P2RY6: variants seen among roughly 807,000 people sequenced by gnomAD.
P2RY6 encodes the protein P2Y purinoceptor 6.
P2RY6 carries 19 observed loss-of-function variants against 16.3 expected under a neutral mutation model. The observed-to-expected ratio is 1.16, with a 90% CI of 0.81 to 1.71. The LOEUF (loss-of-function observed/expected upper bound fraction) is 1.71. Among genes scored for constraint, P2RY6 ranks in the 40% most tolerant of loss-of-function variants. The pLI is 0.00. For synonymous variants in P2RY6, 184 were observed against 201.5 expected (o/e 0.91, Z 0.74); for missense variants, 389 against 455.5 (o/e 0.85, Z 1.33).
chr11:73,268,448 G>A (rs757145759), upstream of P2RY6, among the ~76,000 whole-genome samples: 112 of 152,056 alleles, frequency 7.4e-4, 2 homozygotes, highest in Non-Finnish European at 6.3e-4. Context: ...AACTAGAAAG[G>A]CCCTGTCTCT....
At chr11:73,290,050 C>G (rs1292075651) in intron 1 of P2RY6, among the ~76,000 whole-genome samples, 1 of 152,008 alleles carries the variant, frequency 6.6e-6, no homozygotes, top group African/African-American at 2.4e-5. Context: ...GGAGAAGCCC[C>G]ATCTGTACTA....
intron 1 of P2RY6, among the ~76,000 whole-genome samples, chr11:73,284,443 A>G (rs1256531549): frequency 6.6e-6 from 1 of 152,034 alleles, no homozygotes; most frequent in African/African-American, 2.4e-5. Flanking sequence ...AGTACCAGAG[A>G]AAACCTCAGG....
At chr11:73,286,214 A>C (rs905620088) in intron 1 of P2RY6, among the ~76,000 whole-genome samples, 1 of 152,174 alleles carries the variant, frequency 6.6e-6, no homozygotes, top group Non-Finnish European at 1.5e-5. Flanking sequence ...CCCTGGGTCC[A>C]GCTGGACGTC....
Position 73,297,410 on chromosome 11 carries a change from C to T in P2RY6, c.892C>T (p.Pro298Ser), listed in dbSNP as rs1188058048. ...PFASANSVLD[P>S]ILFYFTQKKF... ...TGCCAGTGCCAACAGCGTGCTGGAC[C>T]CCATCCTCTTCTACTTCACCCAGAA... is the stretch of plus-strand genomic sequence containing the variant. The change falls in exon 3 of 3, where the codon CCC becomes TCC. Residue 298 changes from proline to serine, a missense_variant. By Grantham distance (74) the Pro-to-Ser change is moderately conservative. Transcript: ENST00000540124. 1.9e-6 allele frequency: 3 copies of T among 1,612,376 alleles called. No homozygotes were observed. Among genetic ancestry groups the T allele is most frequent in the Non-Finnish European group, 2.5e-6 (3 of 1,180,018 alleles).
chr11:73,284,571 C>T (rs149076621), intron 1 of P2RY6, among the ~76,000 whole-genome samples: 37 of 152,330 alleles, frequency 2.4e-4, no homozygotes, highest in African/African-American at 8.2e-4. Context: ...GAAGCAGCCC[C>T]AGGGCTGGCT....
upstream of P2RY6, chr11:73,271,598 T>C (rs568397966): frequency 2.6e-5 from 4 of 152,148 alleles, no homozygotes; most frequent in Admixed American, 6.5e-5. Context: ...AATCTATAGA[T>C]AACAACAGCT....
chr11:73,266,019 G>A (rs1251820537), intron 1 of P2RY6, among the ~76,000 whole-genome samples: 1 of 152,146 alleles, frequency 6.6e-6, no homozygotes, highest in African/African-American at 2.4e-5. Flanking sequence ...CCTAACAGCT[G>A]GTGACAAAAC....
chr11:73,275,561 C>T (rs966665058), intron 1 of P2RY6, among the ~76,000 whole-genome samples: 2 of 152,202 alleles, frequency 1.3e-5, no homozygotes, highest in African/African-American at 4.8e-5. Flanking sequence ...ACCTGTCCTG[C>T]AGATTCACTA....
chr11:73,283,115 A>G (rs779175817), intron 1 of P2RY6, among the ~76,000 whole-genome samples: 3 of 152,080 alleles, frequency 2.0e-5, no homozygotes, highest in Non-Finnish European at 4.4e-5. Flanking sequence ...GGGATTGGGC[A>G]TTTGGATCTA....
At chr11:73,275,589 G>T (rs1425192468) in intron 1 of P2RY6, among the ~76,000 whole-genome samples, 1 of 152,222 alleles carries the variant, frequency 6.6e-6, no homozygotes, top group Non-Finnish European at 1.5e-5. Flanking sequence ...ACAGCATGGT[G>T]CAGTCTCATT....
intron 1 of P2RY6, chr11:73,292,827 C>A (rs555525215): frequency 1.2e-5 from 12 of 985,278 alleles, no homozygotes; most frequent in African/African-American, 5.2e-5. Context: ...TGCAGCCTAG[C>A]TGAGGGCAGG....
chr11:73,290,632 A>G (rs1864204881), intron 1 of P2RY6, among the ~76,000 whole-genome samples: 1 of 152,244 alleles, frequency 6.6e-6, no homozygotes, highest in African/African-American at 2.4e-5. Flanking sequence ...CTTTGCCCAC[A>G]CTGGGCCTCC....
intron 1 of P2RY6, among the ~76,000 whole-genome samples, chr11:73,293,967 G>A (rs1402260255): frequency 1.3e-5 from 2 of 152,128 alleles, no homozygotes; most frequent in African/African-American, 2.4e-5. Context: ...CTCAGACCCT[G>A]TGTGAGGAGA....
chr11:73,276,020 C>A (rs917723355), intron 1 of P2RY6, among the ~76,000 whole-genome samples: 2 of 152,236 alleles, frequency 1.3e-5, no homozygotes, highest in Non-Finnish European at 2.9e-5. Flanking sequence ...AAACCTAGGA[C>A]TATCTGTCCC....
rs142219779 is a variant in P2RY6 at position 73,292,737 on chromosome 11, G to T, written c.-120-2993G>T. ...GTGGTGTTGGGGATGGCAGGGAGCC[G>T]GTGGCCCCCACAGGGGCTCTTTTAG... On this transcript the variant is annotated intron_variant, in intron 1 of 2. Coordinates refer to ENST00000540124, the MANE Select transcript of P2RY6 (RefSeq NM_001277204.2). 7.1e-3 allele frequency: 6,606 copies of T among 926,176 alleles called. 45 individuals are homozygous for T. The highest frequency in any genetic ancestry group is 0.032 in the Middle Eastern group (58 of 1,806). The allele number at this position is 926,176 out of a possible 1,614,324, so 57.4% of individuals were successfully genotyped here.
At chr11:73,284,256 T>A (rs1200758764) in intron 1 of P2RY6, among the ~76,000 whole-genome samples, 1 of 152,086 alleles carries the variant, frequency 6.6e-6, no homozygotes, top group Admixed American at 6.5e-5. Context: ...AGCCCCACAG[T>A]GCAGGATGGA....
rs758316335 is a variant in P2RY6 at position 73,298,311 on chromosome 11, A to G, written c.*806A>G. The G allele has an allele frequency of 1.2e-5, 2 of 167,228 alleles. No homozygotes were observed. Among genetic ancestry groups the G allele is most frequent in the Non-Finnish European group, 2.9e-5 (2 of 68,176 alleles). 10.4% of individuals were successfully genotyped at this position (167,228 alleles called of 1,614,324 possible). On this transcript the variant is annotated 3_prime_UTR_variant, in exon 3 of 3. Transcript: ENST00000540124. ...TCGTGCTGGGCTCTGCCCTGGGCAG[A>G]CAGGCAGAGGGCCAGAGCAGAGGAC...
chr11:73,293,419 T>G (rs563878183), intron 1 of P2RY6, among the ~76,000 whole-genome samples: 2 of 152,180 alleles, frequency 1.3e-5, no homozygotes, highest in Admixed American at 1.3e-4. Context: ...AAGGATGTAG[T>G]CAGAGCCACT....
At position 73,272,360 on chromosome 11, in the gene P2RY6, C is replaced by T. The variant is rs563646239; in HGVS notation, c.-227C>T. 2.0e-5 allele frequency: 20 copies of T among 985,390 alleles called. No homozygotes were observed. The highest frequency in any genetic ancestry group is 6.2e-5 in the Admixed American group (1 of 16,260). 61.0% of individuals were successfully genotyped at this position (985,390 alleles called of 1,614,324 possible). On this transcript the variant is annotated 5_prime_UTR_variant, in exon 1 of 3. The change creates a new upstream start codon in the 5' untranslated region. Coordinates refer to ENST00000540124, the MANE Select transcript of P2RY6 (RefSeq NM_001277204.2). Reference sequence around the variant, plus strand: ...TCCAGACTTCTGCCAGAACATTGCACGCGACAGTTTCAGGCACAGAACTGA... The same window carrying T: ...TCCAGACTTCTGCCAGAACATTGCATGCGACAGTTTCAGGCACAGAACTGA...
Sources: gnomAD v4.1 joint callset for allele counts (sites outside exome capture counted in the v4.1 genomes callset) on GRCh38, gnomAD v4.1.1 for gene constraint, MANE v1.5 for transcripts, NCBI Gene and HGNC (gene_info 2026-07-23, HGNC 2026-07-21) for gene names.